ATP6V0D1: variants seen among roughly 807,000 people sequenced by gnomAD.
ATP6V0D1 encodes ATPase H+ transporting V0 subunit d1.
ATP6V0D1 carries 13 observed loss-of-function variants against 39.0 expected under a neutral mutation model. The observed-to-expected ratio is 0.33, with a 90% CI of 0.22 to 0.53. The LOEUF (loss-of-function observed/expected upper bound fraction) is 0.53. Ranked by LOEUF, ATP6V0D1 falls within the 20% of genes least tolerant of loss-of-function variation. The pLI, the probability that ATP6V0D1 is intolerant of heterozygous loss-of-function variation, is 0.94. For missense variants in ATP6V0D1, 272 were observed against 470.9 expected, an observed-to-expected ratio of 0.58 and a Z score of 3.91; for synonymous variants, 191 against 191.2, an observed-to-expected ratio of 1.00 and a Z score of 0.01.
At chr16:67,471,827 G>C (rs753248389) in intron 1 of ATP6V0D1, among the ~76,000 whole-genome samples, 7 of 150,874 alleles carry the variant, frequency 4.6e-5, no homozygotes, top group Admixed American at 2.0e-4. Context: ...ATTGGGCCGG[G>C]GGGTGGTTCT....
At chr16:67,472,892 G>A (rs1390155064) in intron 1 of ATP6V0D1, among the ~76,000 whole-genome samples, 2 of 151,908 alleles carry the variant, frequency 1.3e-5, no homozygotes, top group Non-Finnish European at 2.9e-5. Context: ...ATATTTCCAG[G>A]CAAGAGCATA....
Position 67,438,839 on chromosome 16 carries a change from C to G in ATP6V0D1, c.848G>C (p.Ser283Thr), listed in dbSNP as rs1243268645. 1.2e-6 allele frequency: 2 copies of G among 1,613,368 alleles called. No homozygotes were observed. Among genetic ancestry groups the G allele is most frequent in the Non-Finnish European group, 1.7e-6 (2 of 1,179,948 alleles). Residue 283 changes from serine to threonine, a missense_variant, in exon 7 of 8, where the codon AGC (serine) becomes ACC (threonine). Ser to Thr is a moderately conservative substitution (Grantham distance 58). Around this residue, in one of 4 missense-constraint regions of ATP6V0D1, gnomAD observed 21 missense variants for 16.5 expected, o/e 1.27. Coordinates refer to ENST00000290949, the MANE Select transcript of ATP6V0D1 (RefSeq NM_004691.5). Reference sequence around the variant, plus strand: ...CTCCAGCGTCTTGTCTCCAGGGTTGCTACCTGCACCCTCGAAGAGCAGCTT... The same window carrying G: ...CTCCAGCGTCTTGTCTCCAGGGTTGGTACCTGCACCCTCGAAGAGCAGCTT... ...EYKLLFEGAG[S>T]NPGDKTLEDR...
At chr16:67,460,140 G>A (rs1567539508) in intron 1 of ATP6V0D1, among the ~76,000 whole-genome samples, 1 of 152,220 alleles carries the variant, frequency 6.6e-6, no homozygotes, top group South Asian at 2.1e-4. Context: ...CTCTGCAAGG[G>A]TGGCAGAGTC....
chr16:67,461,734 G>C (rs2041290765), intron 1 of ATP6V0D1, among the ~76,000 whole-genome samples: 1 of 152,190 alleles, frequency 6.6e-6, no homozygotes, highest in Non-Finnish European at 1.5e-5. Context: ...GGGGAATGGG[G>C]CCAATCTGCA....
intron 1 of ATP6V0D1, among the ~76,000 whole-genome samples, chr16:67,479,159 C>G (rs1168250073): frequency 6.6e-6 from 1 of 151,994 alleles, no homozygotes; most frequent in Non-Finnish European, 1.5e-5. Context: ...AGGTAAACAA[C>G]TTTTCTTGCA....
chr16:67,470,411 G>A (rs762615071), intron 1 of ATP6V0D1, among the ~76,000 whole-genome samples: 1 of 152,216 alleles, frequency 6.6e-6, no homozygotes, highest in Non-Finnish European at 1.5e-5. Flanking sequence ...GCAGGAATCT[G>A]GAGGGAGAGC....
At chr16:67,463,227 C>T (rs917142461) in intron 1 of ATP6V0D1, among the ~76,000 whole-genome samples, 8 of 152,166 alleles carry the variant, frequency 5.3e-5, no homozygotes, top group Non-Finnish European at 1.2e-4. Flanking sequence ...CCATTCCCTG[C>T]GGCTCATAAA....
chr16:67,444,929 C>G lies in ATP6V0D1; in HGVS notation c.303-223G>C, dbSNP rs1244311219. Among the ~76,000 whole-genome samples, 1 of 152,172 alleles carries G rather than the reference C, an allele frequency of 6.6e-6. No individual in the cohort carries two copies. Among genetic ancestry groups the G allele is most frequent in the African/African-American group, 2.4e-5 (1 of 41,440 alleles). On this transcript the variant is annotated intron_variant, in intron 2 of 7. Transcript: ENST00000290949. This position sits in a 1 kb window ranked among gnomAD's most constrained non-coding sequence, Gnocchi z 4.8. ...GAGGCCTAGGACAGACACAGGCCCC[C>G]CAAACGGGCGGGGGCAGGGGATTCA... is the stretch of plus-strand genomic sequence containing the variant.
Position 67,438,698 on chromosome 16 carries a change from AC to A in ATP6V0D1, c.895-10del. 6.2e-7 allele frequency: 1 copy of A among 1,614,236 alleles called. No homozygotes were observed. ...AACTTGTTCAGCTTTACCTGTGGAC[AC>A]GGGCAGATGTGGTGTCCAGGTGGCC... On this transcript the variant is annotated splice_polypyrimidine_tract_variant and intron_variant, in intron 7 of 7. Transcript: ENST00000290949.
chr16:67,464,567 G>A (rs1295952111), intron 1 of ATP6V0D1, among the ~76,000 whole-genome samples: 1 of 152,214 alleles, frequency 6.6e-6, no homozygotes, highest in African/African-American at 2.4e-5. Context: ...GAGACCAGTG[G>A]CCTGGATACC....
intron 1 of ATP6V0D1, among the ~76,000 whole-genome samples, chr16:67,464,528 C>A (rs548492179): frequency 1.6e-4 from 24 of 152,314 alleles, no homozygotes; most frequent in Non-Finnish European, 3.2e-4. Context: ...TGCAACCCAG[C>A]CCCTGAGGGC....
At chr16:67,462,054 G>T (rs1031955750) in intron 1 of ATP6V0D1, among the ~76,000 whole-genome samples, 9 of 152,192 alleles carry the variant, frequency 5.9e-5, no homozygotes, top group Non-Finnish European at 1.3e-4. Flanking sequence ...ATGTGCCAAA[G>T]GGAGGGGCAG....
At chr16:67,458,379 C>T (rs2041260070) in intron 1 of ATP6V0D1, among the ~76,000 whole-genome samples, 1 of 152,186 alleles carries the variant, frequency 6.6e-6, no homozygotes, top group African/African-American at 2.4e-5. Context: ...CCACCCAGCC[C>T]TGGCCCAGCC....
At chr16:67,461,505 C>G (rs901626504) in intron 1 of ATP6V0D1, among the ~76,000 whole-genome samples, 2 of 152,206 alleles carry the variant, frequency 1.3e-5, no homozygotes, top group African/African-American at 4.8e-5. Context: ...TAGCCAAGGA[C>G]AGCTCTTGCT....
intron 1 of ATP6V0D1, among the ~76,000 whole-genome samples, chr16:67,475,374 A>G (rs1366957042): frequency 6.6e-6 from 1 of 152,240 alleles, no homozygotes; most frequent in East Asian, 1.9e-4. Flanking sequence ...TTGTGAAATA[A>G]TGTTGAAAGG....
chr16:67,471,894 A>C (rs1478604728), intron 1 of ATP6V0D1, among the ~76,000 whole-genome samples: 1 of 152,030 alleles, frequency 6.6e-6, no homozygotes, highest in Non-Finnish European at 1.5e-5. Context: ...CTCCCACCTC[A>C]GCCTCCTCAG....
chr16:67,467,509 A>G lies in ATP6V0D1; in HGVS notation c.130+13448T>C, dbSNP rs1023525456. Among the ~76,000 whole-genome samples, 143 of 152,248 alleles carry G rather than the reference A, an allele frequency of 9.4e-4. 1 individual carries two copies. Among genetic ancestry groups the G allele is most frequent in the African/African-American group, 3.3e-3 (138 of 41,544 alleles). On this transcript the variant is annotated intron_variant, in intron 1 of 7. Transcript: ENST00000290949. ...ACAGAGTGAGACTCTGTCTCAAAAA[A>G]AAAAAAGAGCTGTCACTCATCCAAT...
intron 1 of ATP6V0D1, chr16:67,454,911 G>A (rs2041222277): frequency 6.6e-6 from 1 of 152,380 alleles, no homozygotes; most frequent in African/African-American, 2.4e-5. Context: ...TGAAAGTGGA[G>A]CTGTCTCCCC....
At chr16:67,476,805 G>A (rs1380722749) in intron 1 of ATP6V0D1, among the ~76,000 whole-genome samples, 1 of 152,068 alleles carries the variant, frequency 6.6e-6, no homozygotes, top group African/African-American at 2.4e-5. Flanking sequence ...GGAGGCTGAG[G>A]TGGGTGGATC....
Sources: allele counts gnomAD v4.1 joint callset (sites outside exome capture counted in the v4.1 genomes callset), GRCh38; gene constraint gnomAD v4.1.1; regional missense constraint gnomAD v4.1.1; non-coding constraint Gnocchi (gnomAD v3.1); transcripts MANE v1.5; gene names NCBI Gene and HGNC (gene_info 2026-07-23, HGNC 2026-07-21).